The following ME3 variants were observed in gnomAD, a reference collection of about 807,000 sequenced individuals.
The protein encoded by ME3 is malic enzyme 3, also known as NADP-dependent malic enzyme, mitochondrial.
In ME3, 48 loss-of-function variants were observed where a neutral mutation model predicts 68.9. The observed-to-expected ratio is 0.70, with a 90% CI of 0.55 to 0.89. The LOEUF is 0.89. Ranked by LOEUF, ME3 falls within the 40% of genes least tolerant of loss-of-function variation. The probability of loss-of-function intolerance (pLI) is 0.00; values close to 1 mark genes in which losing one functional copy is unlikely to be tolerated. For missense variants in ME3, 675 were observed against 797.4 expected, an observed-to-expected ratio of 0.85 and a Z score of 1.85; for synonymous variants, 320 against 318.8, an observed-to-expected ratio of 1.00 and a Z score of -0.04.
At chr11:86,623,760 G>A (rs1292281726) in intron 2 of ME3, among the ~76,000 whole-genome samples, 1 of 152,284 alleles carries the variant, frequency 6.6e-6, no homozygotes, top group East Asian at 1.9e-4. Context: ...ACCTCTGAGG[G>A]TCTTTCCAGT....
chr11:86,516,666 C>T (rs1565887263), intron 4 of ME3, among the ~76,000 whole-genome samples: 1 of 152,190 alleles, frequency 6.6e-6, no homozygotes, highest in African/African-American at 2.4e-5. Flanking sequence ...GCTGGGATTA[C>T]AGGCATGAGC....
intron 4 of ME3, among the ~76,000 whole-genome samples, chr11:86,535,938 T>G (rs1355282003): frequency 6.6e-6 from 1 of 152,206 alleles, no homozygotes; most frequent in Non-Finnish European, 1.5e-5. Flanking sequence ...GAAGGCCCTG[T>G]GCTAGCTGCT....
At chr11:86,603,001 A>C (rs1044871254) in intron 2 of ME3, among the ~76,000 whole-genome samples, 4 of 152,226 alleles carry the variant, frequency 2.6e-5, no homozygotes, top group African/African-American at 9.6e-5. Flanking sequence ...AAAACCCTAG[A>C]AGAAAACCTA....
intron 2 of ME3, among the ~76,000 whole-genome samples, chr11:86,561,742 A>G (rs1266353994): frequency 1.3e-5 from 2 of 152,206 alleles, no homozygotes; most frequent in African/African-American, 4.8e-5. Context: ...ATTAGAGTAC[A>G]GTGGTTATGT....
At chr11:86,594,388 A>G (rs1283380898) in intron 2 of ME3, among the ~76,000 whole-genome samples, 1 of 146,378 alleles carries the variant, frequency 6.8e-6, no homozygotes, top group East Asian at 2.4e-4. Flanking sequence ...CATTTAAGTT[A>G]TCATCCAAAG....
chr11:86,511,419 A>G (rs1002848501), intron 4 of ME3, among the ~76,000 whole-genome samples: 1 of 152,204 alleles, frequency 6.6e-6, no homozygotes, highest in Middle Eastern at 3.4e-3. Context: ...CTCCAGTGCT[A>G]CTTTGAAACC....
At chr11:86,571,513 G>T (rs1456067915) in intron 2 of ME3, among the ~76,000 whole-genome samples, 1 of 152,214 alleles carries the variant, frequency 6.6e-6, no homozygotes, top group African/African-American at 2.4e-5. Flanking sequence ...CCACACTGTG[G>T]CTATTGAGCA....
chr11:86,525,363 G>A (rs1408021202), intron 4 of ME3, among the ~76,000 whole-genome samples: 1 of 152,068 alleles, frequency 6.6e-6, no homozygotes, highest in African/African-American at 2.4e-5. Context: ...AACCACAACA[G>A]CAAGAGAGGA....
chr11:86,637,325 AAAC>A lies in ME3; in HGVS notation c.183+34434_183+34436del, dbSNP rs554737392. The stretch of plus-strand genomic sequence containing the variant: ...TATTATAGTACTGAAGGTAATACGT[AAAC>A]AACAACAACAACAAGAAGCACAAAA... On this transcript the variant is annotated intron_variant, in intron 2 of 14. Transcript: ENST00000543262. Among the ~76,000 whole-genome samples the A allele has an allele frequency of 7.5e-4, 112 of 148,988 alleles. 1 individual carries two copies. The highest frequency in any genetic ancestry group is 2.6e-3 in the African/African-American group (106 of 40,226).
At chr11:86,493,795 C>T (rs760170557) in intron 6 of ME3, among the ~76,000 whole-genome samples, 11 of 152,290 alleles carry the variant, frequency 7.2e-5, no homozygotes, top group South Asian at 2.1e-4. Flanking sequence ...TTTCCTTCAA[C>T]AGGAAACCTG....
chr11:86,588,081 G>T (rs547535159), intron 2 of ME3, among the ~76,000 whole-genome samples: 1 of 152,176 alleles, frequency 6.6e-6, no homozygotes, highest in Admixed American at 6.5e-5. Flanking sequence ...CATATTAATT[G>T]TATGCCTTAC....
chr11:86,538,676 C>A (rs919847498), intron 4 of ME3, among the ~76,000 whole-genome samples: 6 of 152,156 alleles, frequency 3.9e-5, no homozygotes, highest in African/African-American at 1.4e-4. Flanking sequence ...CCTCATGCTT[C>A]GGTTAGTACT....
At chr11:86,455,872 C>T (rs1364791512) in intron 8 of ME3, among the ~76,000 whole-genome samples, 2 of 141,594 alleles carry the variant, frequency 1.4e-5, no homozygotes, top group African/African-American at 5.0e-5. Context: ...TATCAACAAG[C>T]AGTTTAAATA....
intron 2 of ME3, among the ~76,000 whole-genome samples, chr11:86,628,308 G>A (rs1043673527): frequency 6.6e-6 from 1 of 152,206 alleles, no homozygotes; most frequent in Non-Finnish European, 1.5e-5. Context: ...TACTTCGGGA[G>A]CCACTGGAGC....
At chr11:86,494,835 C>A (rs923466974) in intron 6 of ME3, among the ~76,000 whole-genome samples, 1 of 152,094 alleles carries the variant, frequency 6.6e-6, no homozygotes, top group Admixed American at 6.5e-5. Flanking sequence ...ACTCAATAAA[C>A]TTTTATTAAA....
In ME3 at chr11:86,571,874, G is replaced by A. The variant is rs114187011; in HGVS notation, c.184-12051C>T. Reference sequence around the variant, plus strand: ...GGCCACACCTGGGAGGCAGCAGGCAGGAGAGGCATTCAGAGGAGCTTGGGA... The same window carrying A: ...GGCCACACCTGGGAGGCAGCAGGCAAGAGAGGCATTCAGAGGAGCTTGGGA... On this transcript the variant is annotated intron_variant, in intron 2 of 14. Transcript: ENST00000543262. 6.0e-3 allele frequency among the ~76,000 whole-genome samples: 915 copies of A among 152,330 alleles called. 12 individuals carry two copies. Among genetic ancestry groups the A allele is most frequent in the African/African-American group, 0.021 (880 of 41,580 alleles).
intron 7 of ME3, among the ~76,000 whole-genome samples, chr11:86,486,109 G>A (rs1315534921): frequency 6.6e-6 from 1 of 152,144 alleles, no homozygotes; most frequent in Non-Finnish European, 1.5e-5. Flanking sequence ...TGCCCCATCA[G>A]TGCCCAGTAC....
intron 2 of ME3, among the ~76,000 whole-genome samples, chr11:86,666,794 T>C (rs138550811): frequency 6.6e-6 from 1 of 152,224 alleles, no homozygotes; most frequent in Admixed American, 6.5e-5. Flanking sequence ...AGATATATTA[T>C]GTAATCTGCC....
At chr11:86,649,843 A>G (rs1945282143) in intron 2 of ME3, among the ~76,000 whole-genome samples, 1 of 152,240 alleles carries the variant, frequency 6.6e-6, no homozygotes, top group African/African-American at 2.4e-5. Context: ...TTCCATGCTC[A>G]TGGACAGGAA....
Sources: allele counts gnomAD v4.1 joint callset (sites outside exome capture counted in the v4.1 genomes callset), GRCh38; gene constraint gnomAD v4.1.1; transcripts MANE v1.5; gene names NCBI Gene and HGNC (gene_info 2026-07-23, HGNC 2026-07-21).